The following DLGAP3 variants were observed in gnomAD, a reference collection of about 807,000 sequenced individuals.
The protein encoded by DLGAP3 is DLG associated protein 3.
DLGAP3 carries 17 observed loss-of-function variants against 81.2 expected under a neutral mutation model. The ratio of observed to expected loss-of-function variants is 0.21; its 90% CI spans 0.14 to 0.31. The LOEUF (loss-of-function observed/expected upper bound fraction) is 0.31, where lower values mean the gene tolerates loss of function less well. DLGAP3 is among the 10% of genes least tolerant of loss of function. The pLI is 1.00. For synonymous variants in DLGAP3, 577 were observed against 587.4 expected, an observed-to-expected ratio of 0.98 and a Z score of 0.26; for missense variants, 1,124 against 1,388.0, an observed-to-expected ratio of 0.81 and a Z score of 3.02.
chr1:34,880,891 A>G (rs1259162195), intron 8 of DLGAP3, among the ~76,000 whole-genome samples: 1 of 152,180 alleles, frequency 6.6e-6, no homozygotes, highest in Non-Finnish European at 1.5e-5. Flanking sequence ...AATAATCACT[A>G]AAGAAACTGA....
intron 5 of DLGAP3, among the ~76,000 whole-genome samples, chr1:34,898,330 G>A (rs939499398): frequency 6.6e-6 from 1 of 152,236 alleles, no homozygotes; most frequent in African/African-American, 2.4e-5. Context: ...GGAGAATGTA[G>A]AGGGTGTGGT....
rs1000099462 is a variant in DLGAP3, at chr1:34,900,360, C to G, written c.1108-87G>C. 10 of 1,405,136 alleles carry G rather than the reference C, an allele frequency of 7.1e-6. No homozygotes were observed. The African/African-American group carries it at 9.8e-5, about 14-fold the overall frequency. 87.0% of individuals were successfully genotyped at this position (1,405,136 alleles called of 1,614,324 possible). On this transcript the variant is annotated intron_variant, in intron 3 of 11. Transcript: ENST00000373347. This position sits in a 1 kb window ranked among gnomAD's most constrained non-coding sequence, Gnocchi z 5.6. The stretch of plus-strand genomic sequence containing the variant: ...CTTTCCCCACTGCCAGTGGGAGATG[C>G]CCTGCCCTGGCTTGAACAGGCACAC...
Position 34,867,714 on chromosome 1 carries a change from C to G in DLGAP3, c.2486-87G>C. ...AGTCTGCCCTGAATGACGCTGACCC[C>G]TCGGTTGCTTGGCACTGTGTATCCA... On this transcript the variant is annotated intron_variant, in intron 9 of 11. Transcript: ENST00000373347. This position sits in a 1 kb window ranked among gnomAD's most constrained non-coding sequence, Gnocchi z 4.3. 6 of 1,129,656 alleles carry G rather than the reference C, an allele frequency of 5.3e-6. No individual in the cohort carries two copies. The South Asian group carries it at 6.2e-5, about 12-fold the overall frequency. 70.0% of individuals were successfully genotyped at this position (1,129,656 alleles called of 1,614,324 possible). A position where few individuals can be genotyped will look rare whatever the true frequency, so the allele number is the denominator to read the frequency against.
intron 5 of DLGAP3, among the ~76,000 whole-genome samples, chr1:34,889,583 A>C (rs1399579695): frequency 6.6e-6 from 1 of 152,202 alleles, no homozygotes; most frequent in East Asian, 1.9e-4. Context: ...GAAATATTTA[A>C]AGTAAAAATG....
chr1:34,893,766 TA>T, intron 5 of DLGAP3, among the ~76,000 whole-genome samples: 1 of 152,316 alleles, frequency 6.6e-6, no homozygotes, highest in Admixed American at 6.5e-5. Flanking sequence ...AATTGTATAG[TA>T]AAAAATTAAC....
intron 5 of DLGAP3, among the ~76,000 whole-genome samples, chr1:34,894,812 G>A (rs1339347398): frequency 6.6e-6 from 1 of 152,126 alleles, no homozygotes; most frequent in African/African-American, 2.4e-5. Context: ...ACAATCAAGA[G>A]CTAATAATAT....
At chr1:34,924,941 T>A (rs1400193858) in intron 1 of DLGAP3, among the ~76,000 whole-genome samples, 1 of 152,182 alleles carries the variant, frequency 6.6e-6, no homozygotes, top group Non-Finnish European at 1.5e-5. Context: ...GCCCTCCGCC[T>A]TTCCACCATC....
chr1:34,877,292 G>A (rs992278238), intron 8 of DLGAP3, among the ~76,000 whole-genome samples: 12 of 152,314 alleles, frequency 7.9e-5, no homozygotes, highest in African/African-American at 2.9e-4. Flanking sequence ...GACTCAAAAC[G>A]CTCATGCCAG....
At chr1:34,916,819 C>T (rs907190812) in intron 1 of DLGAP3, among the ~76,000 whole-genome samples, 10 of 152,094 alleles carry the variant, frequency 6.6e-5, no homozygotes, top group African/African-American at 2.2e-4. Flanking sequence ...CCTCAGCTTC[C>T]CGAGTAGCTG....
At chr1:34,916,343 T>C (rs527288998) in intron 1 of DLGAP3, among the ~76,000 whole-genome samples, 5 of 152,204 alleles carry the variant, frequency 3.3e-5, no homozygotes, top group African/African-American at 7.2e-5. Context: ...ACTGAATACA[T>C]TGAATACATT....
At chr1:34,917,164 A>C (rs909464549) in intron 1 of DLGAP3, among the ~76,000 whole-genome samples, 6 of 152,128 alleles carry the variant, frequency 3.9e-5, no homozygotes, top group African/African-American at 1.4e-4. Context: ...GTTCATTCAC[A>C]AATTAACAGG....
At position 34,902,226 on chromosome 1, in the gene DLGAP3, G is replaced by A. The variant is rs928289303; in HGVS notation, c.1108-1953C>T. ...GAACAGGTTAAATGGGGTAGGGATG[G>A]GAGCTCCAAAAGGGGTAACGCCTCA... On this transcript the variant is annotated intron_variant, in intron 3 of 11. Coordinates refer to ENST00000373347, the MANE Select transcript of DLGAP3 (RefSeq NM_001080418.3). The surrounding 1 kb of genome is among the most constrained non-coding windows in gnomAD (Gnocchi z 4.4). 6.6e-6 allele frequency among the ~76,000 whole-genome samples: 1 copy of A among 152,092 alleles called. No homozygotes were observed. Among genetic ancestry groups the A allele is most frequent in the Non-Finnish European group, 1.5e-5 (1 of 68,000 alleles).
At chr1:34,878,544 G>A (rs1639095699) in intron 8 of DLGAP3, among the ~76,000 whole-genome samples, 1 of 151,904 alleles carries the variant, frequency 6.6e-6, no homozygotes, top group Admixed American at 6.6e-5. Context: ...TCATAAGCTT[G>A]AATGCTTATA....
chr1:34,866,170 C>T lies in DLGAP3; in HGVS notation c.2853G>A (p.Lys951=). ...QEARKRLLAA[K]RAASFRHSSA... is the part of the protein sequence containing the mutation. ...AGCTGTGGCGGAAGGAAGCGGCGCG[C>T]TTGGCCGCCAGGAGCCGCTTGCGCG... The change falls in exon 12 of 12, where the codon AAG becomes AAA. Residue 951 remains lysine (K), a synonymous_variant. Transcript: ENST00000373347. 6.3e-7 allele frequency: 1 copy of T among 1,595,586 alleles called. No individual in the cohort carries two copies. The highest frequency in any genetic ancestry group is 8.5e-7 in the Non-Finnish European group (1 of 1,177,622).
In DLGAP3 at chr1:34,885,700, G is replaced by A. The variant is rs983860925; in HGVS notation, c.1692C>T (p.Ser564=). 2 of 1,417,100 alleles carry A rather than the reference G, an allele frequency of 1.4e-6. No homozygotes were observed. The highest frequency in any genetic ancestry group is 1.6e-5 in the South Asian group (1 of 62,662). 87.8% of individuals were successfully genotyped at this position (1,417,100 alleles called of 1,614,324 possible). A position where few individuals can be genotyped will look rare whatever the true frequency, so the allele number is the denominator to read the frequency against. The change falls in exon 7 of 12, where the codon TCC becomes TCT. Residue 564 remains serine, a synonymous_variant. Coordinates refer to ENST00000373347, the MANE Select transcript of DLGAP3 (RefSeq NM_001080418.3). Reference sequence around the variant, plus strand: ...CGGCCGCCGTGAAGCTCTCGTGCGCGGAGTCGGTGCTGCTCTGGGCGGTGA... The same window carrying A: ...CGGCCGCCGTGAAGCTCTCGTGCGCAGAGTCGGTGCTGCTCTGGGCGGTGA... The part of the protein sequence containing the change: ...ISITAQSSTD[S]AHESFTAAEG...
chr1:34,913,858 T>C (rs114308798), intron 1 of DLGAP3, among the ~76,000 whole-genome samples: 133 of 152,306 alleles, frequency 8.7e-4, no homozygotes, highest in Non-Finnish European at 1.5e-3. Context: ...ATCCAGCCTC[T>C]ATACCCAGCC....
At chr1:34,920,461 C>T (rs1206973527) in intron 1 of DLGAP3, among the ~76,000 whole-genome samples, 1 of 152,206 alleles carries the variant, frequency 6.6e-6, no homozygotes, top group Non-Finnish European at 1.5e-5. Flanking sequence ...CACATAAAGA[C>T]ACTTTTACTT....
intron 3 of DLGAP3, among the ~76,000 whole-genome samples, chr1:34,903,470 T>C (rs551847959): frequency 6.6e-6 from 1 of 152,356 alleles, no homozygotes; most frequent in Non-Finnish European, 1.5e-5. Context: ...TTGTATTGAC[T>C]TTTTCTCCTA....
chr1:34,905,720 G>A (rs1639540927), intron 2 of DLGAP3, among the ~76,000 whole-genome samples: 1 of 152,102 alleles, frequency 6.6e-6, no homozygotes, highest in Non-Finnish European at 1.5e-5. Context: ...AATGTCCTTA[G>A]AGACTGGGCA....
Sources: gnomAD v4.1 joint callset for allele counts (sites outside exome capture counted in the v4.1 genomes callset) on GRCh38, gnomAD v4.1.1 for gene constraint, Gnocchi (gnomAD v3.1) non-coding constraint, MANE v1.5 for transcripts, NCBI Gene and HGNC (gene_info 2026-07-23, HGNC 2026-07-21) for gene names.